Variants in CTDP1 observed in about 807,000 individuals in gnomAD.
CTDP1 encodes RNA polymerase II subunit A C-terminal domain phosphatase.
CTDP1 carries 47 observed loss-of-function variants against 91.8 expected under a neutral mutation model. That is an observed-to-expected ratio of 0.51 (90% CI 0.41 to 0.65). CTDP1 has a LOEUF of 0.65. Among genes scored for constraint, CTDP1 ranks in the 30% least tolerant of loss-of-function variants. The pLI is 0.00. For synonymous variants in CTDP1, 656 were observed against 598.5 expected (o/e 1.10, Z -1.40); for missense variants, 1,272 against 1,373.7 (o/e 0.93, Z 1.17).
chr18:79,723,883 C>T (rs1054241772), intron 10 of CTDP1, among the ~76,000 whole-genome samples: 2 of 152,244 alleles, frequency 1.3e-5, no homozygotes, highest in Non-Finnish European at 2.9e-5. Context: ...GGAGTTGGCC[C>T]TCCTCCCTCA....
chr18:79,744,974 G>A (rs2086850231), intron 12 of CTDP1, among the ~76,000 whole-genome samples: 1 of 152,202 alleles, frequency 6.6e-6, no homozygotes, highest in South Asian at 2.1e-4. Flanking sequence ...CGTGGAGCAG[G>A]AGTGTCCATC....
Position 79,695,210 on chromosome 18 carries a change from T to C in CTDP1, c.315-15T>C, listed in dbSNP as rs1334915030. ...AGAGATTTTAAAGTGTTGTTCCCCT[T>C]GTGTTTTTTTGTAGAGCGGTTCTGG... is the stretch of plus-strand genomic sequence containing the variant. On this transcript the variant is annotated splice_polypyrimidine_tract_variant and intron_variant, in intron 1 of 12. Coordinates refer to ENST00000613122, the MANE Select transcript of CTDP1 (RefSeq NM_004715.5). The C allele has an allele frequency of 1.9e-6, 3 of 1,612,854 alleles. No individual in the cohort carries two copies. The Admixed American group carries it at 5.0e-5, about 27-fold the overall frequency.
intron 6 of CTDP1, 119 bp downstream of exon 6, chr18:79,710,555 C>T (rs764948043): frequency 1.3e-6 from 1 of 785,022 alleles, no homozygotes. Context: ...CGGAGTCTTG[C>T]TGTTGCCCAG....
intron 12 of CTDP1, among the ~76,000 whole-genome samples, chr18:79,737,140 C>T (rs1201284665): frequency 1.3e-5 from 2 of 152,234 alleles, no homozygotes; most frequent in East Asian, 1.9e-4. Context: ...ATGAATGAGG[C>T]CTGTTTTCGG....
chr18:79,706,982 G>A lies in CTDP1; in HGVS notation c.772+2065G>A, dbSNP rs1202382907. Among the ~76,000 whole-genome samples, 4 of 152,366 alleles carry A rather than the reference G, an allele frequency of 2.6e-5. No homozygotes were observed. The East Asian group carries it at 7.7e-4, about 29-fold the overall frequency. ...TGCCCGTGCAAGTGTTTCTCATTTCGGATTTCCTTCTCCAGGTCTCTCTCT... is the reference window on the plus strand; with the variant it reads ...TGCCCGTGCAAGTGTTTCTCATTTCAGATTTCCTTCTCCAGGTCTCTCTCT... On this transcript the variant is annotated intron_variant, in intron 5 of 12. Transcript: ENST00000613122.
intron 1 of CTDP1, among the ~76,000 whole-genome samples, chr18:79,688,540 C>T (rs1303900452): frequency 6.6e-6 from 1 of 152,174 alleles, no homozygotes; most frequent in Non-Finnish European, 1.5e-5. Flanking sequence ...GTTGGGATTA[C>T]AGGCGTGAGC....
chr18:79,685,463 T>G (rs1361744898), intron 1 of CTDP1: 2 of 152,182 alleles, frequency 1.3e-5, no homozygotes, highest in African/African-American at 4.8e-5. Context: ...CGAGGGTTGA[T>G]GACGTCTGAC....
intron 4 of CTDP1, chr18:79,703,459 C>T (rs1439143402): frequency 6.6e-6 from 1 of 152,226 alleles, no homozygotes; most frequent in East Asian, 1.9e-4. Flanking sequence ...CGGTGTTGCT[C>T]ATTTCACTGT....
rs1796587570 is a variant in CTDP1 at position 79,695,404 on chromosome 18, C to T, written c.398+96C>T. On this transcript the variant is annotated intron_variant, in intron 2 of 12. Transcript: ENST00000613122. ...GCTGTGCTGGGAACACAGTGAGGCC[C>T]TTGGTTTCCCAGCGGCAGATGCAGA... 5 of 1,136,472 alleles carry T rather than the reference C, an allele frequency of 4.4e-6. No individual in the cohort carries two copies. The South Asian group carries it at 6.2e-5, about 14-fold the overall frequency. The allele number at this position is 1,136,472 out of a possible 1,614,324, so 70.4% of individuals were successfully genotyped here.
At chr18:79,740,960 T>C (rs1275762033) in intron 12 of CTDP1, among the ~76,000 whole-genome samples, 1 of 151,944 alleles carries the variant, frequency 6.6e-6, no homozygotes, top group Non-Finnish European at 1.5e-5. Flanking sequence ...TGAGGTGAGG[T>C]CTCCTGCACA....
At position 79,736,461 on chromosome 18, in the gene CTDP1, A is replaced by T; in HGVS notation, c.2687A>T (p.Glu896Val). 6.5e-7 allele frequency: 1 copy of T among 1,548,952 alleles called. No individual in the cohort carries two copies. The highest frequency in any genetic ancestry group is 8.7e-7 in the Non-Finnish European group (1 of 1,146,892). ...PQPRKPGTRR[E>V]RTLGAPASSE... is the part of the protein sequence containing the mutation. ...CCCCGGAAGCCAGGGACCCGCAGGG[A>T]GCGGACGCTCGGGGCACCTGCGTCC... Residue 896 changes from glutamate to valine, a missense_variant, in exon 12 of 13, where the codon GAG becomes GTG. Around this residue, in one of 3 missense-constraint regions of CTDP1, gnomAD observed 881 missense variants for 911.6 expected, o/e 0.97. Coordinates refer to ENST00000613122, the MANE Select transcript of CTDP1 (RefSeq NM_004715.5).
chr18:79,685,908 T>A (rs2085483852), intron 1 of CTDP1, among the ~76,000 whole-genome samples: 1 of 152,228 alleles, frequency 6.6e-6, no homozygotes, highest in Admixed American at 6.5e-5. Context: ...CTTTTATTCT[T>A]CCCTGTTGAC....
intron 4 of CTDP1, among the ~76,000 whole-genome samples, chr18:79,701,434 C>G (rs561039548): frequency 1.3e-5 from 2 of 151,716 alleles, no homozygotes; most frequent in Admixed American, 1.3e-4. Flanking sequence ...GGCGTGAACC[C>G]GGGAGGCGGA....
intron 1 of CTDP1, among the ~76,000 whole-genome samples, chr18:79,686,400 A>C (rs1298879313): frequency 1.3e-5 from 2 of 152,238 alleles, no homozygotes; most frequent in African/African-American, 2.4e-5. Context: ...AGTGCTTTTT[A>C]TATTTTCAGG....
At chr18:79,704,970 T>G in intron 5 of CTDP1, 53 bp downstream of exon 5, 1 of 1,607,656 alleles carries the variant, frequency 6.2e-7, no homozygotes, top group Non-Finnish European at 8.5e-7. Context: ...TTCTTTCCTG[T>G]TTTCGGTGAT....
intron 10 of CTDP1, among the ~76,000 whole-genome samples, chr18:79,727,692 T>G (rs936731426): frequency 1.2e-4 from 18 of 152,318 alleles, no homozygotes; most frequent in Non-Finnish European, 1.9e-4. Context: ...TGACTTTGAC[T>G]TAGTGCCCGT....
Position 79,729,087 on chromosome 18 carries a change from C to G in CTDP1, c.2580+18C>G, listed in dbSNP as rs1318443161. The G allele has an allele frequency of 1.2e-6, 2 of 1,612,070 alleles. No homozygotes were observed. The highest frequency in any genetic ancestry group is 1.7e-6 in the Non-Finnish European group (2 of 1,180,000). ...ACAAAGAGGTGAGCCAACCCCACGC[C>G]CCGGTGCCCGCGCCAGCGCTCGTGC... On this transcript the variant is annotated intron_variant, in intron 11 of 12. Transcript: ENST00000613122.
chr18:79,693,621 G>A (rs1442829241), intron 1 of CTDP1, among the ~76,000 whole-genome samples: 4 of 152,140 alleles, frequency 2.6e-5, no homozygotes, highest in African/African-American at 4.8e-5. Flanking sequence ...CACTGTGTAC[G>A]CACAGGCCCA....
At position 79,715,455 on chromosome 18, in the gene CTDP1, G is replaced by A. The variant is rs11549119; in HGVS notation, c.1995G>A (p.Ala665=). 0.049 allele frequency: 78,533 copies of A among 1,589,166 alleles called. 2,585 individuals carry two copies. The highest frequency in any genetic ancestry group is 0.15 in the South Asian group (12,908 of 87,262). ...REHYHATALG[A]KILTRLVLSP... Reference sequence around the variant, plus strand: ...ATTACCACGCCACGGCGCTGGGAGCGAAGATCCTCACTCGGCTGGTGCTGA... The same window carrying A: ...ATTACCACGCCACGGCGCTGGGAGCAAAGATCCTCACTCGGCTGGTGCTGA... The change falls in exon 8 of 13, where the codon GCG becomes GCA. Residue 665 remains alanine (A), a synonymous_variant. Transcript: ENST00000613122.
Sources: allele counts gnomAD v4.1 joint callset (sites outside exome capture counted in the v4.1 genomes callset), GRCh38; gene constraint gnomAD v4.1.1; regional missense constraint gnomAD v4.1.1; transcripts MANE v1.5; gene names NCBI Gene and HGNC (gene_info 2026-07-23, HGNC 2026-07-21).